Variants in DPP6 observed in about 807,000 individuals in gnomAD.
The protein encoded by DPP6 is dipeptidyl peptidase like 6.
DPP6 carries 69 observed loss-of-function variants against 122.6 expected under a neutral mutation model. The ratio of observed to expected loss-of-function variants is 0.56; its 90% CI spans 0.46 to 0.69. DPP6 has a LOEUF of 0.69. Among genes scored for constraint, DPP6 ranks in the 30% least tolerant of loss-of-function variants. The pLI is 0.00. For synonymous variants in DPP6, 418 were observed against 433.1 expected, an observed-to-expected ratio of 0.97 and a Z score of 0.43; for missense variants, 928 against 1,116.9, an observed-to-expected ratio of 0.83 and a Z score of 2.41.
At position 154,040,263 on chromosome 7, in the gene DPP6, A is replaced by G. The variant is rs547160301; in HGVS notation, c.51+152529A>G. On this transcript the variant is annotated intron_variant, in intron 1 of 25. Coordinates refer to the DPP6 transcript ENST00000404039. ...GCATAGGTGGGAAAGAGAAGCAGTA[A>G]GAAGAAAGGAGAATAAAAGAGAAAT... is the stretch of plus-strand genomic sequence containing the variant. 4.0e-3 allele frequency among the ~76,000 whole-genome samples: 573 copies of G among 142,720 alleles called. 12 individuals carry two copies. Among genetic ancestry groups the G allele is most frequent in the Non-Finnish European group, 6.1e-3 (414 of 67,344 alleles). 93.6% of individuals were successfully genotyped at this position (142,720 alleles called of 152,430 possible).
chr7:153,826,487 CT>C, the DPP6 span, among the ~76,000 whole-genome samples: 1 of 152,128 alleles, frequency 6.6e-6, no homozygotes, highest in African/African-American at 2.4e-5. Context: ...ATATTTGCTC[CT>C]TTTGGTCTGC....
intron 7 of DPP6, among the ~76,000 whole-genome samples, chr7:154,688,450 TG>T (rs2131203863): frequency 6.6e-6 from 1 of 152,358 alleles, no homozygotes; most frequent in South Asian, 2.1e-4. Flanking sequence ...TGTTTCATTT[TG>T]TAAATGTAAT....
At chr7:154,274,614 T>A (rs1295672662) in intron 1 of DPP6, among the ~76,000 whole-genome samples, 4 of 152,214 alleles carry the variant, frequency 2.6e-5, no homozygotes, top group Admixed American at 2.0e-4. Flanking sequence ...TTGATTCTTC[T>A]GCAAGAAGAA....
intron 16 of DPP6, among the ~76,000 whole-genome samples, chr7:154,823,279 A>G (rs950908528): frequency 1.3e-5 from 2 of 152,256 alleles, no homozygotes; most frequent in Non-Finnish European, 2.9e-5. Flanking sequence ...AAATAATGCA[A>G]TATGCAGTTT....
At chr7:154,194,569 C>T (rs1798771273) in intron 1 of DPP6, among the ~76,000 whole-genome samples, 1 of 152,200 alleles carries the variant, frequency 6.6e-6, no homozygotes, top group Admixed American at 6.5e-5. Context: ...CAGAGATGCC[C>T]TTTCTGCCAT....
chr7:153,898,470 T>A (rs1348262605), intron 1 of DPP6, among the ~76,000 whole-genome samples: 1 of 151,968 alleles, frequency 6.6e-6, no homozygotes, highest in Non-Finnish European at 1.5e-5. Context: ...TAATAATAAT[T>A]AGAAGAGAAG....
chr7:154,426,660 C>G (rs1242269659), intron 1 of DPP6, among the ~76,000 whole-genome samples: 1 of 152,000 alleles, frequency 6.6e-6, no homozygotes, highest in African/African-American at 2.4e-5. Context: ...TCCAGAGGGG[C>G]AAACCATCCA....
chr7:154,355,288 T>TCAGATA (rs1811184199), intron 1 of DPP6, among the ~76,000 whole-genome samples: 1 of 152,244 alleles, frequency 6.6e-6, no homozygotes, highest in Admixed American at 6.5e-5. Flanking sequence ...GAGACCTTCA[T>TCAGATA]CAGATACATT....
In DPP6 at chr7:154,885,781, T is replaced by TCCCGCCCCGC. The variant is rs756708861; in HGVS notation, c.2245+46_2245+55dup. ...TGCAGGACCAAGCGACGGGCTCTGC[T>TCCCGCCCCGC]CCCGCCCCGCCCCGCCCCCTGCCTG... is the stretch of plus-strand genomic sequence containing the variant. On this transcript the variant is annotated intron_variant, in intron 22 of 25. Coordinates refer to ENST00000377770, the MANE Select transcript of DPP6 (RefSeq NM_130797.4). 5.8e-6 allele frequency: 9 copies of TCCCGCCCCGC among 1,548,956 alleles called. No homozygotes were observed. In the South Asian group the frequency reaches 9.5e-5, roughly 16 times the overall value.
At chr7:154,065,754 C>G (rs1802666633) in intron 1 of DPP6, among the ~76,000 whole-genome samples, 2 of 152,184 alleles carry the variant, frequency 1.3e-5, no homozygotes, top group African/African-American at 4.8e-5. Flanking sequence ...CCACGGACAT[C>G]AGTGGCATAG....
intron 1 of DPP6, among the ~76,000 whole-genome samples, chr7:154,326,528 C>T (rs538634622): frequency 2.6e-5 from 4 of 152,300 alleles, no homozygotes; most frequent in African/African-American, 9.6e-5. Flanking sequence ...GGACTAATTT[C>T]CCTTGTTGCC....
intron 1 of DPP6, among the ~76,000 whole-genome samples, chr7:154,034,548 C>T (rs2533789): frequency 3.9e-5 from 6 of 152,062 alleles, no homozygotes; most frequent in African/African-American, 1.2e-4. Context: ...TGTGTATGTG[C>T]GTGTATGTTT....
the DPP6 span, among the ~76,000 whole-genome samples, chr7:153,848,712 C>T: frequency 6.6e-6 from 1 of 152,118 alleles, no homozygotes; most frequent in African/African-American, 2.4e-5. Flanking sequence ...CGATTCAAAT[C>T]ATTATTATAG....
chr7:154,142,854 A>G (rs1273353497), intron 1 of DPP6, among the ~76,000 whole-genome samples: 2 of 141,050 alleles, frequency 1.4e-5, no homozygotes, highest in Admixed American at 1.5e-4. Context: ...AGTTGTCTCT[A>G]AAAAGGATCT....
At chr7:154,167,260 G>A (rs774551442) in intron 1 of DPP6, among the ~76,000 whole-genome samples, 9 of 152,162 alleles carry the variant, frequency 5.9e-5, no homozygotes, top group Non-Finnish European at 1.3e-4. Context: ...GGGTGGGTAG[G>A]CAAATAGAAG....
At chr7:154,627,391 G>T (rs1319368740) in intron 5 of DPP6, among the ~76,000 whole-genome samples, 3 of 151,414 alleles carry the variant, frequency 2.0e-5, no homozygotes, top group East Asian at 3.9e-4. Context: ...GTAGAGACGG[G>T]GTTTCACCAT....
Position 153,918,565 on chromosome 7 carries a change from AGTCTCTCTCTCTCTCTCTCTCTCT to A in DPP6, c.51+30832_51+30855del, listed in dbSNP as rs1358880695. ...CACACACACACACACACACACACAC[AGTCTCTCTCTCTCTCTCTCTCTCT>A]CTCTCTCTCTCTCTCTCTCTCTCTC... On this transcript the variant is annotated intron_variant, in intron 1 of 25. Transcript: ENST00000404039. 8.4e-3 allele frequency among the ~76,000 whole-genome samples: 482 copies of A among 57,612 alleles called. 7 individuals carry two copies. The highest frequency in any genetic ancestry group is 0.029 in the Middle Eastern group (2 of 68). The allele number at this position is 57,612 out of a possible 152,430, so 37.8% of individuals were successfully genotyped here.
chr7:154,631,146 C>G (rs1178213849), intron 5 of DPP6, among the ~76,000 whole-genome samples: 1 of 152,118 alleles, frequency 6.6e-6, no homozygotes, highest in Non-Finnish European at 1.5e-5. Flanking sequence ...TGTCAGAAAG[C>G]AGAAATGATG....
At chr7:154,732,105 C>G (rs1842367667) in intron 8 of DPP6, among the ~76,000 whole-genome samples, 1 of 151,486 alleles carries the variant, frequency 6.6e-6, no homozygotes, top group Non-Finnish European at 1.5e-5. Flanking sequence ...GTGGCGCAAT[C>G]TCGGCTCACT....
Sources: allele counts gnomAD v4.1 joint callset (sites outside exome capture counted in the v4.1 genomes callset), GRCh38; gene constraint gnomAD v4.1.1; transcripts MANE v1.5; gene names NCBI Gene and HGNC (gene_info 2026-07-23, HGNC 2026-07-21).